SUSD4: variants seen among roughly 807,000 people sequenced by gnomAD.
SUSD4 encodes the protein sushi domain-containing protein 4.
SUSD4 carries 41 observed loss-of-function variants against 50.5 expected under a neutral mutation model. The ratio of observed to expected loss-of-function variants is 0.81; its 90% CI spans 0.63 to 1.05. The LOEUF (loss-of-function observed/expected upper bound fraction) is 1.05. Ranked by LOEUF, SUSD4 falls within the 50% of genes least tolerant of loss-of-function variation. The probability of loss-of-function intolerance (pLI) is 0.00; values close to 1 mark genes in which losing one functional copy is unlikely to be tolerated. For synonymous variants in SUSD4, 257 were observed against 257.3 expected, an observed-to-expected ratio of 1.00 and a Z score of 0.01; for missense variants, 580 against 634.7, an observed-to-expected ratio of 0.91 and a Z score of 0.93.
In SUSD4 at chr1:223,332,069, G is replaced by A. The variant is rs1667207125; in HGVS notation, c.148+31209C>T. On this transcript the variant is annotated intron_variant, in intron 2 of 8. Transcript: ENST00000366878. The surrounding 1 kb of genome is among the most constrained non-coding windows in gnomAD (Gnocchi z 4.0). ...CCCGTGCAGAGAAAGCTGAGTGATG[G>A]GGCACAGTGTGAGCCTGGTTACAAA... Among the ~76,000 whole-genome samples the A allele has an allele frequency of 6.6e-6, 1 of 152,124 alleles. No homozygotes were observed. Among genetic ancestry groups the A allele is most frequent in the Admixed American group, 6.6e-5 (1 of 15,262 alleles).
Position 223,229,366 on chromosome 1 carries a change from C to T in SUSD4, c.747G>A (p.Val249=). The change falls in exon 6 of 9, where the codon GTG becomes GTA. Residue 249 remains valine (V), a synonymous_variant. Coordinates refer to ENST00000366878, the MANE Select transcript of SUSD4 (RefSeq NM_017982.4). This position sits in a 1 kb window ranked among gnomAD's most constrained non-coding sequence, Gnocchi z 4.7. ...ALEVCPLPPM[V]SHGDFVCHPR... is the part of the protein sequence containing the mutation. ...GGTGGCAGACGAAATCTCCGTGACT[C>T]ACCATTGGAGGTAGTGGACAGACTT... is the stretch of plus-strand genomic sequence containing the variant. The T allele has an allele frequency of 6.2e-7, 1 of 1,601,968 alleles. No individual in the cohort carries two copies. The highest frequency in any genetic ancestry group is 8.5e-7 in the Non-Finnish European group (1 of 1,170,666).
At chr1:223,289,566 T>C (rs921357279) in intron 3 of SUSD4, among the ~76,000 whole-genome samples, 6 of 152,154 alleles carry the variant, frequency 3.9e-5, no homozygotes, top group African/African-American at 1.4e-4. Flanking sequence ...TGAACTTAGT[T>C]TTTAAAAAAT....
intron 3 of SUSD4, among the ~76,000 whole-genome samples, chr1:223,276,449 G>A (rs1663281849): frequency 6.6e-6 from 1 of 152,216 alleles, no homozygotes; most frequent in South Asian, 2.1e-4. Context: ...CTGGGGGCTT[G>A]GTTGCACAGG....
chr1:223,277,696 G>A (rs756447245), intron 3 of SUSD4, among the ~76,000 whole-genome samples: 1 of 152,194 alleles, frequency 6.6e-6, no homozygotes. Context: ...AAGAGCACTG[G>A]ACAAGGAGTC....
intron 2 of SUSD4, among the ~76,000 whole-genome samples, chr1:223,293,896 A>G (rs1427423476): frequency 1.3e-5 from 2 of 151,908 alleles, no homozygotes; most frequent in Non-Finnish European, 2.9e-5. Context: ...AACTGACTAG[A>G]TGTTGGGGTG....
intron 7 of SUSD4, among the ~76,000 whole-genome samples, chr1:223,224,878 T>A (rs1366237422): frequency 6.9e-6 from 1 of 144,494 alleles, no homozygotes; most frequent in African/African-American, 2.6e-5. Flanking sequence ...TTTTTTTTTT[T>A]TTTTTTTTTG....
Position 223,229,194 on chromosome 1 carries a change from T to C in SUSD4, c.916+3A>G. 2 of 1,596,584 alleles carry C rather than the reference T, an allele frequency of 1.3e-6. No homozygotes were observed. Among genetic ancestry groups the C allele is most frequent in the Non-Finnish European group, 1.7e-6 (2 of 1,165,358 alleles). ...CCTCCAAGGGTGAGGCCTTCAGTCT[T>C]ACCTGATTTGATGCAGTAGACTTGA... On this transcript the variant is annotated splice_donor_region_variant and intron_variant, in intron 6 of 8. Transcript: ENST00000366878. This position sits in a 1 kb window ranked among gnomAD's most constrained non-coding sequence, Gnocchi z 4.7.
chr1:223,313,226 T>C (rs2103219635), intron 2 of SUSD4, among the ~76,000 whole-genome samples: 1 of 152,264 alleles, frequency 6.6e-6, no homozygotes, highest in Middle Eastern at 3.4e-3. Context: ...GATCTCAGTC[T>C]GACCTCTGAC....
chr1:223,324,518 A>G (rs908343623), intron 2 of SUSD4, among the ~76,000 whole-genome samples: 4 of 151,984 alleles, frequency 2.6e-5, no homozygotes, highest in African/African-American at 9.7e-5. Context: ...ATAGCTCATA[A>G]TAATATTAAT....
intron 2 of SUSD4, among the ~76,000 whole-genome samples, chr1:223,322,557 T>C (rs182115224): frequency 7.2e-5 from 11 of 152,278 alleles, no homozygotes; most frequent in Non-Finnish European, 1.0e-4. Flanking sequence ...AATTGTGATA[T>C]AAGATAAGAG....
intron 3 of SUSD4, among the ~76,000 whole-genome samples, chr1:223,273,987 G>T (rs143612867): frequency 8.9e-4 from 135 of 152,208 alleles, no homozygotes; most frequent in African/African-American, 3.1e-3. Context: ...GTGAATTTTT[G>T]AACCTGATGG....
chr1:223,298,689 A>G (rs964843190), intron 2 of SUSD4, among the ~76,000 whole-genome samples: 1 of 152,220 alleles, frequency 6.6e-6, no homozygotes, highest in South Asian at 2.1e-4. Flanking sequence ...GGGATAACTG[A>G]AGATCCAGCC....
At position 223,227,005 on chromosome 1, in the gene SUSD4, G is replaced by T. The variant is rs191219093; in HGVS notation, c.1061+589C>A. ...GACTTGAGGCTGAAGATACCAACCC[G>T]AGCTGATTGGTGCAGCTCAGAAGGA... On this transcript the variant is annotated intron_variant, in intron 7 of 8. Transcript: ENST00000366878. The surrounding 1 kb of genome is among the most constrained non-coding windows in gnomAD (Gnocchi z 4.5). Among the ~76,000 whole-genome samples, 2 of 152,150 alleles carry T rather than the reference G, an allele frequency of 1.3e-5. No individual in the cohort carries two copies. Among genetic ancestry groups the T allele is most frequent in the Non-Finnish European group, 2.9e-5 (2 of 68,016 alleles).
At position 223,324,271 on chromosome 1, in the gene SUSD4, C is replaced by T. The variant is rs144209669; in HGVS notation, c.149-31620G>A. 2.5e-4 allele frequency among the ~76,000 whole-genome samples: 37 copies of T among 150,848 alleles called. No homozygotes were observed. The East Asian group carries it at 4.7e-3, about 19-fold the overall frequency. Reference sequence around the variant, plus strand: ...AGATGGCCATGAAGAGAAAGGAAAACAAAACACAGAATCAAAGACATAAGG... The same window carrying T: ...AGATGGCCATGAAGAGAAAGGAAAATAAAACACAGAATCAAAGACATAAGG... On this transcript the variant is annotated intron_variant, in intron 2 of 8. Transcript: ENST00000366878.
chr1:223,279,696 T>C (rs1194323839), intron 3 of SUSD4, among the ~76,000 whole-genome samples: 1 of 152,204 alleles, frequency 6.6e-6, no homozygotes, highest in Non-Finnish European at 1.5e-5. Context: ...TTCCCCATTC[T>C]AGCAAGGCAG....
At chr1:223,267,209 C>T (rs1662549569) in intron 4 of SUSD4, among the ~76,000 whole-genome samples, 1 of 152,094 alleles carries the variant, frequency 6.6e-6, no homozygotes, top group Non-Finnish European at 1.5e-5. Flanking sequence ...TTGAGAGGCA[C>T]ACCAACACAG....
At chr1:223,225,354 C>T (rs781288971) in intron 7 of SUSD4, among the ~76,000 whole-genome samples, 3 of 152,132 alleles carry the variant, frequency 2.0e-5, no homozygotes, top group African/African-American at 4.8e-5. Flanking sequence ...GGCTGTGCGT[C>T]TCTCTAAAGC....
At chr1:223,317,703 A>G (rs1666285617) in intron 2 of SUSD4, among the ~76,000 whole-genome samples, 1 of 152,136 alleles carries the variant, frequency 6.6e-6, no homozygotes, top group Non-Finnish European at 1.5e-5. Context: ...TACTCCCAAA[A>G]GGAAATTTAT....
intron 7 of SUSD4, 146 bp from the exon 8 acceptor site, chr1:223,223,777 T>G (rs2102988395): frequency 9.7e-7 from 1 of 1,026,712 alleles, no homozygotes; most frequent in East Asian, 2.8e-5. Context: ...AGAACCAGCC[T>G]CCTTTCAGGG....
Sources: allele counts gnomAD v4.1 joint callset (sites outside exome capture counted in the v4.1 genomes callset), GRCh38; gene constraint gnomAD v4.1.1; non-coding constraint Gnocchi (gnomAD v3.1); transcripts MANE v1.5; gene names NCBI Gene and HGNC (gene_info 2026-07-23, HGNC 2026-07-21).